TENM2: variants seen among roughly 807,000 people sequenced by gnomAD.
TENM2 encodes the protein teneurin transmembrane protein 2.
In TENM2, 52 loss-of-function variants were observed where a neutral mutation model predicts 245.2. That is an observed-to-expected ratio of 0.21 (90% confidence interval 0.17 to 0.27). TENM2 has a LOEUF of 0.27. Ranked by LOEUF, TENM2 falls within the 10% of genes least tolerant of loss-of-function variation. TENM2 has a pLI of 1.00. For synonymous variants in TENM2, 1,363 were observed against 1,438.9 expected (o/e 0.95, Z 1.19); for missense variants, 3,046 against 3,666.8 (o/e 0.83, Z 4.37).
At chr5:167,252,160 T>C in the TENM2 span, among the ~76,000 whole-genome samples, 5 of 152,098 alleles carry the variant, frequency 3.3e-5, no homozygotes, top group African/African-American at 1.2e-4. Context: ...GAGAAGAGCT[T>C]AGAGGGCTAT....
chr5:167,339,835 G>A (rs954582239), intron 1 of TENM2, among the ~76,000 whole-genome samples: 48 of 152,264 alleles, frequency 3.2e-4, no homozygotes, highest in African/African-American at 1.1e-3. Flanking sequence ...TGATGTGAGG[G>A]CACAAGCAAC....
At chr5:167,004,177 C>A in the TENM2 span, among the ~76,000 whole-genome samples, 1 of 152,234 alleles carries the variant, frequency 6.6e-6, no homozygotes, top group African/African-American at 2.4e-5. Flanking sequence ...TTGTTGTATT[C>A]AAAGATGATT....
intron 2 of TENM2, among the ~76,000 whole-genome samples, chr5:167,413,521 T>C (rs1763014496): frequency 6.6e-6 from 1 of 152,154 alleles, no homozygotes; most frequent in Non-Finnish European, 1.5e-5. Flanking sequence ...GATGTCTAAT[T>C]TGAATTTTCT....
exon 3 of TENM2, chr5:167,876,062 A>T (rs1220925232): frequency 6.4e-7 from 1 of 1,551,360 alleles, no homozygotes; most frequent in Non-Finnish European, 8.7e-7. Flanking sequence ...ATCCTCCACC[A>T]GTTAGCTGCC....
At chr5:167,755,162 C>T (rs754037346) in intron 2 of TENM2, 1 of 1,599,024 alleles carries the variant, frequency 6.3e-7, no homozygotes, top group Admixed American at 1.7e-5. Flanking sequence ...TGTGAGTTTT[C>T]TCCATGGGAA....
chr5:168,019,634 A>G lies in TENM2; in HGVS notation c.1186+26452A>G, dbSNP rs2546946. ...CTGGGAAAAAGGGGTAGAGGGTAAAAGAAAGTTTCCTGTTCCTATAATGTA... is the reference window on the plus strand; with the variant it reads ...CTGGGAAAAAGGGGTAGAGGGTAAAGGAAAGTTTCCTGTTCCTATAATGTA... On this transcript the variant is annotated intron_variant, in intron 5 of 28. Coordinates refer to ENST00000518659, the Ensembl canonical transcript of TENM2. Among the ~76,000 whole-genome samples, 901 of 152,336 alleles carry G rather than the reference A, an allele frequency of 5.9e-3. 10 individuals are homozygous for G. The highest frequency in any genetic ancestry group is 0.021 in the African/African-American group (853 of 41,568).
At chr5:167,078,780 T>G in the TENM2 span, among the ~76,000 whole-genome samples, 1 of 152,172 alleles carries the variant, frequency 6.6e-6, no homozygotes, top group Admixed American at 6.5e-5. Flanking sequence ...TAAAGACATC[T>G]TATTGAATAT....
the TENM2 span, among the ~76,000 whole-genome samples, chr5:167,212,596 T>A: frequency 6.6e-6 from 1 of 152,340 alleles, no homozygotes; most frequent in South Asian, 2.1e-4. Flanking sequence ...GGATGTGCCA[T>A]GGCTTATTGA....
chr5:167,901,838 A>G (rs574604220), intron 3 of TENM2, among the ~76,000 whole-genome samples: 1 of 152,350 alleles, frequency 6.6e-6, no homozygotes, highest in Admixed American at 6.5e-5. Context: ...TCCTCTTTAT[A>G]TAAGAATTTA....
At chr5:168,160,506 A>G (rs2152446376) in intron 12 of TENM2, among the ~76,000 whole-genome samples, 1 of 152,298 alleles carries the variant, frequency 6.6e-6, no homozygotes, top group Non-Finnish European at 1.5e-5. Context: ...CCCTGGTAAG[A>G]GTCTCCTTAT....
At chr5:167,989,326 A>G (rs2617956) in intron 4 of TENM2, among the ~76,000 whole-genome samples, 48,767 of 151,574 alleles carry the variant, frequency 0.32, 8,196 homozygotes, top group African/African-American at 0.4. Context: ...AGTGCACAAA[A>G]TGAAGGGGGC....
intron 7 of TENM2, among the ~76,000 whole-genome samples, chr5:168,069,579 G>A (rs1790805251): frequency 6.6e-6 from 1 of 152,144 alleles, no homozygotes; most frequent in Non-Finnish European, 1.5e-5. Flanking sequence ...ATTGTTCCAT[G>A]TGCATTATCT....
At chr5:167,602,499 G>A (rs1776708054) in intron 2 of TENM2, among the ~76,000 whole-genome samples, 1 of 152,180 alleles carries the variant, frequency 6.6e-6, no homozygotes, top group African/African-American at 2.4e-5. Flanking sequence ...TGAAGATTGA[G>A]TGTTTTTGGT....
intron 2 of TENM2, among the ~76,000 whole-genome samples, chr5:167,484,410 AAAG>A (rs1767941657): frequency 6.6e-6 from 1 of 152,138 alleles, no homozygotes; most frequent in South Asian, 2.1e-4. Context: ...GCTGTGCATG[AAAG>A]AAGGACAATG....
chr5:167,530,600 G>A (rs547109417), intron 2 of TENM2, among the ~76,000 whole-genome samples: 2 of 152,228 alleles, frequency 1.3e-5, no homozygotes, highest in South Asian at 4.1e-4. Context: ...TGTCAAAATG[G>A]GCTCCTGATC....
At chr5:167,746,717 T>TAGAGAGAGAGAGAGAGAGAGAGAGAGAG (rs1761611667) in intron 2 of TENM2, among the ~76,000 whole-genome samples, 1 of 40,582 alleles carries the variant, frequency 2.5e-5, no homozygotes, top group Non-Finnish European at 6.9e-5. Flanking sequence ...GAGAGAGAGC[T>TAGAGAGAGAGAGAGAGAGAGAGAGAGAG]GGACTCTACA....
rs567438303 is a variant in TENM2 at position 167,668,608 on chromosome 5, T to A, written c.503-207378T>A. ...ATTTTCCTTTTTGCTTTTAAATGAT[T>A]CCTAAAACCGTTCTGAGAGACCATG... On this transcript the variant is annotated intron_variant, in intron 2 of 28. Coordinates refer to ENST00000518659, the Ensembl canonical transcript of TENM2. Among the ~76,000 whole-genome samples the A allele has an allele frequency of 1.4e-4, 21 of 152,270 alleles. No homozygotes were observed. In the South Asian group the frequency reaches 4.1e-3, roughly 30 times the overall value.
chr5:167,445,336 T>TAGAGAGAGAGAGAGAGAGAGAGAGAGAG (rs1554154174), intron 2 of TENM2, among the ~76,000 whole-genome samples: 1 of 77,306 alleles, frequency 1.3e-5, no homozygotes, highest in Admixed American at 1.4e-4. Context: ...TATATATATA[T>TAGAGAGAGAGAGAGAGAGAGAGAGAGAG]AGAGAGAGAG....
At chr5:167,429,325 A>T (rs758846130) in intron 2 of TENM2, among the ~76,000 whole-genome samples, 2 of 152,084 alleles carry the variant, frequency 1.3e-5, no homozygotes, top group African/African-American at 2.4e-5. Flanking sequence ...CTTGCCTCCT[A>T]TGTTTCTCAA....
Sources: gnomAD v4.1 joint callset for allele counts (sites outside exome capture counted in the v4.1 genomes callset) on GRCh38, gnomAD v4.1.1 for gene constraint, MANE v1.5 for transcripts, NCBI Gene and HGNC (gene_info 2026-07-23, HGNC 2026-07-21) for gene names.